The following CELF2 variants were observed in gnomAD, a reference collection of about 807,000 sequenced individuals.
CELF2 encodes CUGBP Elav-like family member 2, also known as CUG triplet repeat RNA-binding protein 2.
A neutral mutation model predicts 62.6 loss-of-function variants in CELF2; 8 were observed. The observed-to-expected ratio is 0.13, with a 90% CI of 0.07 to 0.23. The LOEUF is 0.23. Among genes scored for constraint, CELF2 ranks in the 10% least tolerant of loss-of-function variants. The probability of loss-of-function intolerance (pLI) is 1.00; values close to 1 mark genes in which losing one functional copy is unlikely to be tolerated. For synonymous variants in CELF2, 258 were observed against 250.0 expected (o/e 1.03, Z -0.30); for missense variants, 333 against 671.0 (o/e 0.50, Z 5.56).
At chr10:10,610,685 T>C in the CELF2 span, among the ~76,000 whole-genome samples, 1 of 152,210 alleles carries the variant, frequency 6.6e-6, no homozygotes, top group Admixed American at 6.5e-5. Context: ...TCCATGCTAA[T>C]AAATGCTTTT....
At chr10:11,179,320 T>A (rs1234833818) in intron 2 of CELF2, among the ~76,000 whole-genome samples, 1 of 152,098 alleles carries the variant, frequency 6.6e-6, no homozygotes, top group East Asian at 1.9e-4. Flanking sequence ...ACTTTGAAAA[T>A]CTTTTAGAAT....
At chr10:10,595,492 C>A in the CELF2 span, among the ~76,000 whole-genome samples, 1 of 152,068 alleles carries the variant, frequency 6.6e-6, no homozygotes, top group Non-Finnish European at 1.5e-5. Flanking sequence ...AAACAGTGGA[C>A]CAAATTGAAG....
intron 3 of CELF2, among the ~76,000 whole-genome samples, chr10:11,230,105 G>A (rs117237005): frequency 2.0e-5 from 3 of 152,204 alleles, no homozygotes; most frequent in Non-Finnish European, 4.4e-5. Flanking sequence ...CAGCAGTCAC[G>A]TCATCTGAGA....
intron 1 of CELF2, among the ~76,000 whole-genome samples, chr10:11,026,278 G>T (rs778249412): frequency 6.6e-6 from 1 of 152,172 alleles, no homozygotes; most frequent in Non-Finnish European, 1.5e-5. Context: ...TGGGAGTCCA[G>T]CATATAAACT....
intron 1 of CELF2, among the ~76,000 whole-genome samples, chr10:11,140,554 T>C (rs1490609697): frequency 6.6e-6 from 1 of 152,218 alleles, no homozygotes; most frequent in African/African-American, 2.4e-5. Context: ...ACTTACTGTA[T>C]TTTATGAGCA....
the CELF2 span, among the ~76,000 whole-genome samples, chr10:10,467,164 GA>G: frequency 6.6e-6 from 1 of 151,982 alleles, no homozygotes; most frequent in African/African-American, 2.4e-5. Context: ...GGACAAAGTG[GA>G]AATGCTAAGA....
At chr10:10,811,385 G>T (rs9424099) in intron 1 of CELF2, among the ~76,000 whole-genome samples, 21,017 of 152,084 alleles carry the variant, frequency 0.14, 1,631 homozygotes, top group Non-Finnish European at 0.19. Flanking sequence ...ATAGAGTCAG[G>T]AAGTGAAAAA....
chr10:11,202,943 CTCTCTCTCTGTGTGTGTG>C (rs1275987463), intron 2 of CELF2, among the ~76,000 whole-genome samples: 21 of 79,278 alleles, frequency 2.6e-4, no homozygotes, highest in African/African-American at 1.2e-3. Context: ...CTCTCTCTCT[CTCTCTCTCTGTGTGTGTG>C]TGTGTGTGTG....
the CELF2 span, among the ~76,000 whole-genome samples, chr10:10,534,966 T>C: frequency 6.6e-6 from 1 of 152,182 alleles, no homozygotes; most frequent in Non-Finnish European, 1.5e-5. Flanking sequence ...ACCACATAAC[T>C]TTACTTCAAG....
At position 11,214,689 on chromosome 10, in the gene CELF2, C is replaced by T. The variant is rs562877389; in HGVS notation, c.272-2736C>T. On this transcript the variant is annotated intron_variant, in intron 2 of 12. Coordinates refer to ENST00000633077, the MANE Select transcript of CELF2 (RefSeq NM_001326342.2). This position sits in a 1 kb window ranked among gnomAD's most constrained non-coding sequence, Gnocchi z 4.2. ...TAAGGCACATTAGCAGTGTTACCTA[C>T]GGTATCCTCCTGCGTGTCACACTGG... 4.6e-5 allele frequency among the ~76,000 whole-genome samples: 7 copies of T among 152,320 alleles called. No homozygotes were observed. Among genetic ancestry groups the T allele is most frequent in the East Asian group, 3.9e-4 (2 of 5,186 alleles).
intron 1 of CELF2, among the ~76,000 whole-genome samples, chr10:11,128,071 T>C (rs1372990911): frequency 1.3e-5 from 2 of 152,236 alleles, no homozygotes; most frequent in Middle Eastern, 6.8e-3. Flanking sequence ...GTTGTAAGGA[T>C]GGGATCCAGT....
At chr10:11,009,869 C>T (rs1236775576) in intron 1 of CELF2, among the ~76,000 whole-genome samples, 1 of 152,198 alleles carries the variant, frequency 6.6e-6, no homozygotes, top group Non-Finnish European at 1.5e-5. Context: ...CTCCGATATG[C>T]GTGGCTGTTT....
rs1021844146 is a variant in CELF2 at position 11,335,407 on chromosome 10, C to G, written c.*6354C>G. On this transcript the variant is annotated 3_prime_UTR_variant, in exon 13 of 13. Coordinates refer to ENST00000633077, the MANE Select transcript of CELF2 (RefSeq NM_001326342.2). This position sits in a 1 kb window ranked among gnomAD's most constrained non-coding sequence, Gnocchi z 5.0. ...GCCTTCCTCTGCGTGCCAGTGAAAT[C>G]TCTCCCAGTAGGTGCTCAGGCTCTT... 6 of 152,456 alleles carry G rather than the reference C, an allele frequency of 3.9e-5. No individual in the cohort carries two copies. Among genetic ancestry groups the G allele is most frequent in the African/African-American group, 1.4e-4 (6 of 41,482 alleles). The allele number at this position is 152,456 out of a possible 1,614,324, so 9.4% of individuals were successfully genotyped here.
the CELF2 span, among the ~76,000 whole-genome samples, chr10:10,520,741 A>C: frequency 6.6e-6 from 1 of 152,160 alleles, no homozygotes; most frequent in African/African-American, 2.4e-5. Flanking sequence ...AGGAGAATGT[A>C]GACCCGCTAA....
At chr10:10,999,302 G>A (rs942521051) in intron 2 of CELF2, among the ~76,000 whole-genome samples, 16 of 152,186 alleles carry the variant, frequency 1.1e-4, no homozygotes, top group African/African-American at 3.9e-4. Context: ...TTCTAAAGTG[G>A]GGATAAAATG....
chr10:10,554,782 A>G, the CELF2 span, among the ~76,000 whole-genome samples: 1 of 152,170 alleles, frequency 6.6e-6, no homozygotes, highest in Non-Finnish European at 1.5e-5. Flanking sequence ...TGTCTCATAC[A>G]GTTTTCAAAT....
Position 11,214,261 on chromosome 10 carries a change from A to G in CELF2, c.272-3164A>G, listed in dbSNP as rs2062700271. On this transcript the variant is annotated intron_variant, in intron 2 of 12. Coordinates refer to ENST00000633077, the MANE Select transcript of CELF2 (RefSeq NM_001326342.2). This position sits in a 1 kb window ranked among gnomAD's most constrained non-coding sequence, Gnocchi z 4.2. ...CACACCACTGCATTCCAGCCAGGACAACAGAGTGACATCCTGTCTCAAAAA... is the reference window on the plus strand; with the variant it reads ...CACACCACTGCATTCCAGCCAGGACGACAGAGTGACATCCTGTCTCAAAAA... Among the ~76,000 whole-genome samples the G allele has an allele frequency of 6.6e-6, 1 of 152,234 alleles. No homozygotes were observed. The highest frequency in any genetic ancestry group is 2.4e-5 in the African/African-American group (1 of 41,462).
In CELF2 at chr10:10,934,200, T is replaced by C. The variant is rs1301869239; in HGVS notation, c.89+14201T>C. Among the ~76,000 whole-genome samples the C allele has an allele frequency of 6.6e-6, 1 of 152,186 alleles. No homozygotes were observed. The highest frequency in any genetic ancestry group is 2.4e-5 in the African/African-American group (1 of 41,440). ...TTTGTTTTCAATACCAGTAGGGGCA[T>C]TGGAACAGGGTTAAAAATAGAATTC... On this transcript the variant is annotated intron_variant, in intron 2 of 13. Coordinates refer to the CELF2 transcript ENST00000636488. This position sits in a 1 kb window ranked among gnomAD's most constrained non-coding sequence, Gnocchi z 4.4.
At chr10:11,174,463 T>C (rs1228405533) in intron 2 of CELF2, among the ~76,000 whole-genome samples, 1 of 152,206 alleles carries the variant, frequency 6.6e-6, no homozygotes. Flanking sequence ...TAATCCAGTA[T>C]CCACATTCAG....
Sources: gnomAD v4.1 joint callset for allele counts (sites outside exome capture counted in the v4.1 genomes callset) on GRCh38, gnomAD v4.1.1 for gene constraint, Gnocchi (gnomAD v3.1) non-coding constraint, MANE v1.5 for transcripts, NCBI Gene and HGNC (gene_info 2026-07-23, HGNC 2026-07-21) for gene names.